The following GRIP1 variants were observed in gnomAD, a reference collection of about 807,000 sequenced individuals.
GRIP1 encodes glutamate receptor interacting protein 1.
A neutral mutation model predicts 129.9 loss-of-function variants in GRIP1; 45 were observed. The ratio of observed to expected loss-of-function variants is 0.35; its 90% CI spans 0.27 to 0.44. GRIP1 has a LOEUF of 0.44. Ranked by LOEUF, GRIP1 falls within the 20% of genes least tolerant of loss-of-function variation. GRIP1 has a pLI of 1.00. For missense variants in GRIP1, 1,196 were observed against 1,396.8 expected (o/e 0.86, Z 2.29); for synonymous variants, 530 against 520.8 (o/e 1.02, Z -0.24).
At chr12:66,352,146 T>A (rs2054258637) in intron 24 of GRIP1, among the ~76,000 whole-genome samples, 1 of 152,174 alleles carries the variant, frequency 6.6e-6, no homozygotes, top group African/African-American at 2.4e-5. Context: ...ATCGCTGCCC[T>A]CATGGAGTTA....
At chr12:66,725,878 A>T (rs1215090610) in intron 1 of GRIP1, among the ~76,000 whole-genome samples, 2 of 152,178 alleles carry the variant, frequency 1.3e-5, no homozygotes, top group African/African-American at 4.8e-5. Flanking sequence ...CTGAGTTGTG[A>T]TCCCAGTTTT....
At chr12:66,488,685 G>A (rs2060022758) in intron 7 of GRIP1, among the ~76,000 whole-genome samples, 1 of 142,930 alleles carries the variant, frequency 7.0e-6, no homozygotes, top group Non-Finnish European at 1.5e-5. Context: ...GAATCTAGGA[G>A]CTGCTTTTTT....
rs2029876148 is a variant in GRIP1, at chr12:66,625,098, CAT to C, written c.56-28173_56-28172del. 2.0e-5 allele frequency among the ~76,000 whole-genome samples: 3 copies of C among 151,508 alleles called. No individual in the cohort carries two copies. The East Asian group carries it at 5.8e-4, about 29-fold the overall frequency. On this transcript the variant is annotated intron_variant, in intron 1 of 24. Coordinates refer to ENST00000359742, the MANE Select transcript of GRIP1 (RefSeq NM_001366722.1). ...CAGAAAGGTCTCAGGAAGGAAGAGACATATGTTATTATCTGTCATGACCTTAT... is the reference window on the plus strand; with the variant it reads ...CAGAAAGGTCTCAGGAAGGAAGAGACATGTTATTATCTGTCATGACCTTAT...
intron 1 of GRIP1, among the ~76,000 whole-genome samples, chr12:66,621,897 G>C (rs917118524): frequency 1.3e-5 from 2 of 151,850 alleles, no homozygotes; most frequent in Admixed American, 1.3e-4. Context: ...ATCTTCTTTC[G>C]ACAAAGGTCT....
chr12:66,582,510 T>C (rs74538693), intron 2 of GRIP1, among the ~76,000 whole-genome samples: 5 of 137,024 alleles, frequency 3.6e-5, no homozygotes, highest in South Asian at 2.3e-4. Flanking sequence ...GAAAACCCCA[T>C]TGTCTCAGCC....
chr12:66,571,969 T>C, intron 2 of GRIP1, among the ~76,000 whole-genome samples: 1 of 152,186 alleles, frequency 6.6e-6, no homozygotes, highest in African/African-American at 2.4e-5. Context: ...GTAGGGCTGG[T>C]GTATGCACTT....
At chr12:66,437,918 C>A (rs1324107978) in intron 13 of GRIP1, among the ~76,000 whole-genome samples, 1 of 152,060 alleles carries the variant, frequency 6.6e-6, no homozygotes, top group Non-Finnish European at 1.5e-5. Context: ...CCAAGTCAAC[C>A]GACCTAGGTC....
At chr12:66,542,372 T>C (rs115166950) in intron 2 of GRIP1, among the ~76,000 whole-genome samples, 1,732 of 152,318 alleles carry the variant, frequency 0.011, 27 homozygotes, top group African/African-American at 0.038. Context: ...TCCAAGTTCA[T>C]GGTATGTCTC....
At chr12:66,566,265 A>G (rs572810861) in intron 2 of GRIP1, among the ~76,000 whole-genome samples, 146 of 152,284 alleles carry the variant, frequency 9.6e-4, no homozygotes, top group African/African-American at 3.4e-3. Flanking sequence ...GTTTATCATA[A>G]ATAGCTCTTA....
At chr12:66,785,327 C>CATATATATAT (rs1415065185) in intron 1 of GRIP1, among the ~76,000 whole-genome samples, 5 of 38,518 alleles carry the variant, frequency 1.3e-4, no homozygotes, top group African/African-American at 3.9e-4. Context: ...TACATACATA[C>CATATATATAT]ATACATACAT....
intron 19 of GRIP1, among the ~76,000 whole-genome samples, chr12:66,387,500 A>G (rs1042389781): frequency 6.6e-6 from 1 of 152,226 alleles, no homozygotes; most frequent in African/African-American, 2.4e-5. Flanking sequence ...GCAGTAATTG[A>G]AAAGGAATTG....
intron 14 of GRIP1, among the ~76,000 whole-genome samples, chr12:66,427,599 A>G (rs1349337983): frequency 6.6e-6 from 1 of 152,142 alleles, no homozygotes; most frequent in Admixed American, 6.6e-5. Context: ...ATATATTAAC[A>G]TATGTTCTTA....
At chr12:66,353,648 C>T (rs1334945947) in intron 23 of GRIP1, 85 bp from the exon 24 acceptor site, 6 of 1,179,260 alleles carry the variant, frequency 5.1e-6, no homozygotes, top group South Asian at 2.4e-5. Flanking sequence ...TCTTTTCACA[C>T]GAATTTAGTC....
intron 1 of GRIP1, among the ~76,000 whole-genome samples, chr12:67,053,403 G>A (rs1392115338): frequency 6.6e-6 from 1 of 152,166 alleles, no homozygotes; most frequent in African/African-American, 2.4e-5. Flanking sequence ...TCTACACCAT[G>A]TCTTGACCCA....
intron 20 of GRIP1, 25 bp downstream of exon 20, chr12:66,379,255 A>AG (rs748597374): frequency 1.7e-5 from 28 of 1,609,870 alleles, no homozygotes; most frequent in Non-Finnish European, 2.4e-5. Context: ...ATCTTGGATG[A>AG]GGCAGCATTG....
chr12:66,551,791 C>T (rs1236001326), intron 2 of GRIP1, among the ~76,000 whole-genome samples: 2 of 151,820 alleles, frequency 1.3e-5, no homozygotes, highest in African/African-American at 2.4e-5. Flanking sequence ...TATGTTGCTT[C>T]GGCTGGTTTT....
intron 7 of GRIP1, among the ~76,000 whole-genome samples, chr12:66,489,588 T>G (rs899007769): frequency 1.9e-4 from 29 of 152,136 alleles, no homozygotes; most frequent in African/African-American, 5.3e-4. Context: ...CCACTCCTAT[T>G]CAACATAGTA....
intron 1 of GRIP1, among the ~76,000 whole-genome samples, chr12:66,962,389 T>C (rs2041933961): frequency 6.6e-6 from 1 of 152,108 alleles, no homozygotes; most frequent in Admixed American, 6.6e-5. Context: ...CCTTTTCTGA[T>C]TAGAAGATAG....
At chr12:66,961,283 CAG>C (rs1222487315) in intron 1 of GRIP1, among the ~76,000 whole-genome samples, 1 of 151,652 alleles carries the variant, frequency 6.6e-6, no homozygotes, top group Non-Finnish European at 1.5e-5. Context: ...ACCAAGAAAA[CAG>C]AGTTTTCAAA....
Sources: allele counts gnomAD v4.1 joint callset (sites outside exome capture counted in the v4.1 genomes callset), GRCh38; gene constraint gnomAD v4.1.1; transcripts MANE v1.5; gene names NCBI Gene and HGNC (gene_info 2026-07-23, HGNC 2026-07-21).